GALNT13: variants seen among roughly 807,000 people sequenced by gnomAD.
GALNT13 encodes UDP-GalNAc:polypeptide N-acetylgalactosaminyltransferase 13.
Under a neutral mutation model 64.2 loss-of-function variants are expected in GALNT13, and 28 were observed. The ratio of observed to expected loss-of-function variants is 0.44; its 90% CI spans 0.32 to 0.60. GALNT13 has a LOEUF of 0.60. Among genes scored for constraint, GALNT13 ranks in the 20% least tolerant of loss-of-function variants. GALNT13 has a pLI of 0.05. For missense variants in GALNT13, 577 were observed against 669.8 expected, an observed-to-expected ratio of 0.86 and a Z score of 1.53; for synonymous variants, 214 against 224.6, an observed-to-expected ratio of 0.95 and a Z score of 0.42.
the GALNT13 span, among the ~76,000 whole-genome samples, chr2:153,637,217 C>T: frequency 1.2e-4 from 19 of 152,024 alleles, no homozygotes; most frequent in Non-Finnish European, 2.5e-4. Context: ...TATGAATGAG[C>T]GTATCTATAT....
At chr2:154,124,760 T>C (rs1293008933) in intron 3 of GALNT13, among the ~76,000 whole-genome samples, 1 of 152,112 alleles carries the variant, frequency 6.6e-6, no homozygotes, top group Non-Finnish European at 1.5e-5. Flanking sequence ...TTAAATCGAT[T>C]AAGAATATAT....
chr2:154,195,798 C>G (rs1463675385), intron 4 of GALNT13, among the ~76,000 whole-genome samples: 1 of 152,058 alleles, frequency 6.6e-6, no homozygotes. Context: ...TTCCAAACAC[C>G]CTGCACAGCC....
At chr2:153,960,795 A>G (rs2105092693) in intron 3 of GALNT13, among the ~76,000 whole-genome samples, 1 of 152,196 alleles carries the variant, frequency 6.6e-6, no homozygotes, top group African/African-American at 2.4e-5. Context: ...CAGATTGATT[A>G]TTTGCTGATG....
chr2:153,528,003 A>G, the GALNT13 span, among the ~76,000 whole-genome samples: 1 of 152,018 alleles, frequency 6.6e-6, no homozygotes, highest in South Asian at 2.1e-4. Context: ...GAATACGAGA[A>G]GGAAAGCAAG....
chr2:153,919,974 A>T (rs971270846), intron 2 of GALNT13, among the ~76,000 whole-genome samples: 2 of 147,252 alleles, frequency 1.4e-5, no homozygotes, highest in Non-Finnish European at 3.0e-5. Flanking sequence ...CATTATATAT[A>T]ATACAGTTAT....
intron 3 of GALNT13, among the ~76,000 whole-genome samples, chr2:153,952,213 C>A (rs1692239092): frequency 6.6e-6 from 1 of 152,146 alleles, no homozygotes; most frequent in Non-Finnish European, 1.5e-5. Flanking sequence ...TGCCACAGTG[C>A]ACCTGCAAAC....
chr2:154,291,786 A>G (rs982739551), intron 8 of GALNT13, among the ~76,000 whole-genome samples: 7 of 152,268 alleles, frequency 4.6e-5, no homozygotes, highest in Non-Finnish European at 8.8e-5. Context: ...TGAGCTCAGC[A>G]AGAGCGGACG....
the GALNT13 span, among the ~76,000 whole-genome samples, chr2:153,621,194 A>T: frequency 1.3e-5 from 2 of 152,078 alleles, no homozygotes; most frequent in Admixed American, 1.3e-4. Flanking sequence ...CTACATATTT[A>T]CGAAATGTTG....
chr2:154,037,900 C>A (rs1032203920), intron 3 of GALNT13, among the ~76,000 whole-genome samples: 3 of 152,068 alleles, frequency 2.0e-5, no homozygotes, highest in Non-Finnish European at 4.4e-5. Context: ...ATGCCTGTAA[C>A]CTCAGCACTT....
the GALNT13 span, among the ~76,000 whole-genome samples, chr2:153,514,735 G>A: frequency 6.6e-6 from 1 of 152,234 alleles, no homozygotes; most frequent in East Asian, 1.9e-4. Context: ...GTGGGGATAA[G>A]GGACACTCAG....
the GALNT13 span, among the ~76,000 whole-genome samples, chr2:153,766,954 TA>T: frequency 6.6e-6 from 1 of 152,258 alleles, no homozygotes; most frequent in East Asian, 1.9e-4. Context: ...TATTGTTTTC[TA>T]AATGTAGTTT....
the GALNT13 span, among the ~76,000 whole-genome samples, chr2:153,156,840 T>C: frequency 6.6e-6 from 1 of 152,158 alleles, no homozygotes; most frequent in African/African-American, 2.4e-5. Flanking sequence ...TAAAGACTTT[T>C]CTGGTATTGA....
chr2:153,649,001 C>G, the GALNT13 span, among the ~76,000 whole-genome samples: 1 of 152,058 alleles, frequency 6.6e-6, no homozygotes, highest in African/African-American at 2.4e-5. Context: ...GGGAGGATTC[C>G]CTCTTTTTCT....
At chr2:153,935,046 C>A (rs1041160479) in intron 2 of GALNT13, among the ~76,000 whole-genome samples, 1 of 152,144 alleles carries the variant, frequency 6.6e-6, no homozygotes, top group African/African-American at 2.4e-5. Context: ...TCTCATACAG[C>A]ATTTATATAA....
At chr2:153,173,761 C>G in the GALNT13 span, among the ~76,000 whole-genome samples, 1 of 152,298 alleles carries the variant, frequency 6.6e-6, no homozygotes, top group South Asian at 2.1e-4. Flanking sequence ...CAAATCTCAT[C>G]TAAACACTAT....
the GALNT13 span, among the ~76,000 whole-genome samples, chr2:153,673,186 G>C: frequency 6.6e-6 from 1 of 152,216 alleles, no homozygotes; most frequent in Admixed American, 6.5e-5. Flanking sequence ...GAAAAAGAGG[G>C]AACCCTCTCT....
chr2:153,527,773 A>C, the GALNT13 span, among the ~76,000 whole-genome samples: 3 of 152,116 alleles, frequency 2.0e-5, no homozygotes, highest in Non-Finnish European at 4.4e-5. Flanking sequence ...AAAAGTTAAA[A>C]AGTTGAGGGA....
the GALNT13 span, among the ~76,000 whole-genome samples, chr2:153,814,763 C>T: frequency 6.6e-6 from 1 of 152,184 alleles, no homozygotes; most frequent in African/African-American, 2.4e-5. Flanking sequence ...CAACGATCTT[C>T]CAACTCAGGC....
intron 7 of GALNT13, among the ~76,000 whole-genome samples, chr2:154,252,619 G>A (rs983859807): frequency 2.0e-5 from 3 of 152,038 alleles, no homozygotes; most frequent in Non-Finnish European, 4.4e-5. Flanking sequence ...GCCTCCCAAA[G>A]TGCTGGGATT....
Sources: gnomAD v4.1 joint callset for allele counts (sites outside exome capture counted in the v4.1 genomes callset) on GRCh38, gnomAD v4.1.1 for gene constraint, MANE v1.5 for transcripts, NCBI Gene and HGNC (gene_info 2026-07-23, HGNC 2026-07-21) for gene names.